Variants in SRGAP1 observed in about 807,000 individuals in gnomAD.
The protein encoded by SRGAP1 is SLIT-ROBO Rho GTPase-activating protein 1.
Under a neutral mutation model 121.9 loss-of-function variants are expected in SRGAP1, and 43 were observed. The ratio of observed to expected loss-of-function variants is 0.35; its 90% confidence interval spans 0.28 to 0.46. The LOEUF (loss-of-function observed/expected upper bound fraction) is 0.46, where lower values mean the gene tolerates loss of function less well. Among genes scored for constraint, SRGAP1 ranks in the 20% least tolerant of loss-of-function variants. SRGAP1 has a pLI of 1.00. For synonymous variants in SRGAP1, 447 were observed against 485.4 expected, an observed-to-expected ratio of 0.92 and a Z score of 1.04; for missense variants, 1,102 against 1,350.9, an observed-to-expected ratio of 0.82 and a Z score of 2.89.
chr12:63,923,780 A>AAATT (rs1338293653), intron 1 of SRGAP1, among the ~76,000 whole-genome samples: 1 of 152,250 alleles, frequency 6.6e-6, no homozygotes, highest in South Asian at 2.1e-4. Flanking sequence ...TTAAGGGACT[A>AAATT]AATTAATTAA....
chr12:63,893,238 TCTTTA>T (rs1441181577), intron 1 of SRGAP1, among the ~76,000 whole-genome samples: 1 of 151,940 alleles, frequency 6.6e-6, no homozygotes, highest in African/African-American at 2.4e-5. Flanking sequence ...AATGGAGGAG[TCTTTA>T]CTTTTCAGCT....
chr12:64,152,483 T>C lies in SRGAP1; in HGVS notation c.*9811T>C, dbSNP rs2037129012. 1 of 152,248 alleles carries C rather than the reference T, an allele frequency of 6.6e-6. No homozygotes were observed. Among genetic ancestry groups the C allele is most frequent in the Non-Finnish European group, 1.5e-5 (1 of 68,046 alleles). 9.4% of individuals were successfully genotyped at this position (152,248 alleles called of 1,614,324 possible). On this transcript the variant is annotated 3_prime_UTR_variant, in exon 22 of 22. Transcript: ENST00000355086. The stretch of plus-strand genomic sequence containing the variant: ...TTCATCTTTGTATCTTCAAGCCTAA[T>C]GCATCACTAACTAAATAGCAAATCG...
intron 1 of SRGAP1, among the ~76,000 whole-genome samples, chr12:63,924,041 C>G (rs548097409): frequency 1.3e-5 from 2 of 152,040 alleles, no homozygotes; most frequent in African/African-American, 4.8e-5. Flanking sequence ...CTTGAGAGGC[C>G]AAGGCAGGAG....
At chr12:63,991,678 G>A (rs1397186324) in intron 3 of SRGAP1, among the ~76,000 whole-genome samples, 2 of 152,152 alleles carry the variant, frequency 1.3e-5, no homozygotes, top group Non-Finnish European at 2.9e-5. Flanking sequence ...AGGAGACTAC[G>A]ATGACAGGTG....
In SRGAP1 at chr12:64,157,763, T is replaced by C. The variant is rs2037174864; in HGVS notation, c.*15091T>C. On this transcript the variant is annotated 3_prime_UTR_variant, in exon 22 of 22. Transcript: ENST00000355086. Reference sequence around the variant, plus strand: ...CTGGCTCAATTGTTAGCTGTGTGATTTCACAAGAGATAACTGATGCTAGCT... The same window carrying C: ...CTGGCTCAATTGTTAGCTGTGTGATCTCACAAGAGATAACTGATGCTAGCT... The C allele has an allele frequency of 6.6e-6, 1 of 151,634 alleles. No homozygotes were observed. The highest frequency in any genetic ancestry group is 1.5e-5 in the Non-Finnish European group (1 of 67,910). The allele number at this position is 151,634 out of a possible 1,614,324, so 9.4% of individuals were successfully genotyped here.
intron 18 of SRGAP1, among the ~76,000 whole-genome samples, chr12:64,122,908 AAAT>A (rs1212872747): frequency 1.3e-5 from 2 of 152,190 alleles, no homozygotes; most frequent in Admixed American, 6.5e-5. Flanking sequence ...AAATAAAATA[AAAT>A]AATAATAAGA....
At chr12:63,952,348 C>CA (rs574046429) in intron 1 of SRGAP1, among the ~76,000 whole-genome samples, 37 of 152,146 alleles carry the variant, frequency 2.4e-4, no homozygotes, top group African/African-American at 7.5e-4. Flanking sequence ...CACATTTCTA[C>CA]AAAAAAATTT....
chr12:64,116,237 AC>A (rs1476296532), intron 18 of SRGAP1, among the ~76,000 whole-genome samples: 1 of 148,922 alleles, frequency 6.7e-6, no homozygotes, highest in Non-Finnish European at 1.5e-5. Flanking sequence ...AGCCTGGGCA[AC>A]AGAACAGACC....
Position 64,079,238 on chromosome 12 carries a change from A to C in SRGAP1, c.1323+122A>C, listed in dbSNP as rs1323514202. The C allele has an allele frequency of 8.9e-6, 9 of 1,010,362 alleles. No homozygotes were observed. The African/African-American group carries it at 1.5e-4, about 16-fold the overall frequency. The allele number at this position is 1,010,362 out of a possible 1,614,324, so 62.6% of individuals were successfully genotyped here. ...TTGTTAAAATAGACTCCTGTCTACC[A>C]TCAGAGTTCCTGATTCAGTCAGTTT... On this transcript the variant is annotated intron_variant, in intron 9 of 21. Coordinates refer to ENST00000355086, the MANE Select transcript of SRGAP1 (RefSeq NM_020762.4).
intron 21 of SRGAP1, among the ~76,000 whole-genome samples, chr12:64,133,164 G>A (rs1288924130): frequency 1.3e-5 from 2 of 152,132 alleles, no homozygotes; most frequent in African/African-American, 2.4e-5. Context: ...CCTTGATGGT[G>A]GCATTAATCT....
chr12:64,103,197 G>C (rs932590411), intron 15 of SRGAP1, among the ~76,000 whole-genome samples: 2 of 152,016 alleles, frequency 1.3e-5, no homozygotes, highest in Non-Finnish European at 2.9e-5. Flanking sequence ...GCCCAGGCTG[G>C]TCTTGAACTC....
At chr12:63,874,603 A>G (rs1367042125) in intron 1 of SRGAP1, among the ~76,000 whole-genome samples, 1 of 152,190 alleles carries the variant, frequency 6.6e-6, no homozygotes, top group African/African-American at 2.4e-5. Flanking sequence ...ATATACCGGA[A>G]TATATTACAA....
intron 6 of SRGAP1, among the ~76,000 whole-genome samples, chr12:64,046,786 C>G (rs1318377210): frequency 6.6e-6 from 1 of 152,086 alleles, no homozygotes; most frequent in African/African-American, 2.4e-5. Flanking sequence ...AATCGCATAT[C>G]AGGATTTTGA....
At chr12:64,071,167 T>G (rs1161310712) in intron 8 of SRGAP1, among the ~76,000 whole-genome samples, 1 of 152,146 alleles carries the variant, frequency 6.6e-6, no homozygotes, top group African/African-American at 2.4e-5. Context: ...AAACACACAT[T>G]TATATTTTTT....
In SRGAP1 at chr12:63,983,828, ATATATATATATATATATATATATATATT is replaced by A. The variant is rs1278792598; in HGVS notation, c.68-109_68-82del. The stretch of plus-strand genomic sequence containing the variant: ...TATATATATATATATATATATATAT[ATATATATATATATATATATATATATATT>A]TATATATATTTCGTGACTTATATCT... On this transcript the variant is annotated intron_variant, in intron 1 of 21. Transcript: ENST00000355086. The A allele has an allele frequency of 1.1e-3, 101 of 95,934 alleles. 1 individual carries two copies. Among genetic ancestry groups the A allele is most frequent in the African/African-American group, 4.6e-3 (95 of 20,638 alleles). 5.9% of individuals were successfully genotyped at this position (95,934 alleles called of 1,614,324 possible). A position where few individuals can be genotyped will look rare whatever the true frequency, so the allele number is the denominator to read the frequency against.
At position 63,988,359 on chromosome 12, in the gene SRGAP1, A is replaced by G. The variant is rs192317196; in HGVS notation, c.264-1551A>G. 1.0e-3 allele frequency among the ~76,000 whole-genome samples: 154 copies of G among 152,296 alleles called. 1 individual carries two copies. The highest frequency in any genetic ancestry group is 3.4e-3 in the African/African-American group (142 of 41,570). On this transcript the variant is annotated intron_variant, in intron 2 of 21. Coordinates refer to ENST00000355086, the MANE Select transcript of SRGAP1 (RefSeq NM_020762.4). The stretch of plus-strand genomic sequence containing the variant: ...AGGGCTGGGTAGATAGGAACTCTCA[A>G]TAGAAAAGCTCCAATTACCTGTTAT...
intron 1 of SRGAP1, among the ~76,000 whole-genome samples, chr12:63,934,685 A>C (rs1292074073): frequency 6.6e-6 from 1 of 152,144 alleles, no homozygotes; most frequent in African/African-American, 2.4e-5. Flanking sequence ...AAATATCCAT[A>C]GACTGATGGA....
intron 2 of SRGAP1, among the ~76,000 whole-genome samples, chr12:63,986,239 T>C (rs2033411319): frequency 6.6e-6 from 1 of 151,634 alleles, no homozygotes; most frequent in Admixed American, 6.6e-5. Context: ...CTTTAACCTT[T>C]ACTGTTGGTC....
chr12:63,879,891 C>T (rs1304737513), intron 1 of SRGAP1, among the ~76,000 whole-genome samples: 1 of 152,148 alleles, frequency 6.6e-6, no homozygotes, highest in Non-Finnish European at 1.5e-5. Flanking sequence ...CAGTGGTTGT[C>T]TCCAGACCAA....
Sources: allele counts gnomAD v4.1 joint callset (sites outside exome capture counted in the v4.1 genomes callset), GRCh38; gene constraint gnomAD v4.1.1; transcripts MANE v1.5; gene names NCBI Gene and HGNC (gene_info 2026-07-23, HGNC 2026-07-21).